OR2L13: variants seen among roughly 807,000 people sequenced by gnomAD.
The protein encoded by OR2L13 is olfactory receptor family 2 subfamily L member 13, also known as olfactory receptor 2L13.
A neutral mutation model predicts 15.3 loss-of-function variants in OR2L13; 14 were observed. That is an observed-to-expected ratio of 0.91 (90% CI 0.60 to 1.43). The LOEUF (loss-of-function observed/expected upper bound fraction) is 1.43, where lower values mean the gene tolerates loss of function less well. OR2L13 is among the 40% of genes most tolerant of loss of function. The pLI is 0.00. For synonymous variants in OR2L13, 152 were observed against 142.9 expected, an observed-to-expected ratio of 1.06 and a Z score of -0.45; for missense variants, 367 against 387.9, an observed-to-expected ratio of 0.95 and a Z score of 0.45.
chr1:248,070,565 A>G, the OR2L13 span, among the ~76,000 whole-genome samples: 1 of 152,234 alleles, frequency 6.6e-6, no homozygotes, highest in Non-Finnish European at 1.5e-5. Context: ...AATTAAAAAA[A>G]CTAGAGAAGC....
At chr1:247,960,669 A>G in the OR2L13 span, among the ~76,000 whole-genome samples, 2 of 152,120 alleles carry the variant, frequency 1.3e-5, no homozygotes, top group East Asian at 3.9e-4. Context: ...CCTCGCTGCC[A>G]CCTTGCAGTT....
chr1:248,005,023 G>T, the OR2L13 span, among the ~76,000 whole-genome samples: 1 of 152,124 alleles, frequency 6.6e-6, no homozygotes, highest in Non-Finnish European at 1.5e-5. Context: ...TGGGAAGGGT[G>T]CAGGGGAGGG....
At chr1:248,049,951 G>A in the OR2L13 span, among the ~76,000 whole-genome samples, 1 of 152,140 alleles carries the variant, frequency 6.6e-6, no homozygotes, top group Non-Finnish European at 1.5e-5. Flanking sequence ...TGGATCTAGA[G>A]GAGTTTACTG....
chr1:248,017,524 A>G, the OR2L13 span, among the ~76,000 whole-genome samples: 1 of 152,184 alleles, frequency 6.6e-6, no homozygotes, highest in Admixed American at 6.5e-5. Context: ...GTAGAAAGAG[A>G]CTTTTTCTTC....
chr1:247,949,704 A>G, the OR2L13 span: 718 of 1,613,828 alleles, frequency 4.4e-4, 4 homozygotes, highest in African/African-American at 6.4e-3. Flanking sequence ...CCTCACCCCA[A>G]TGCTCAACCC....
At chr1:247,989,022 G>A in the OR2L13 span, among the ~76,000 whole-genome samples, 11 of 152,190 alleles carry the variant, frequency 7.2e-5, no homozygotes, top group Non-Finnish European at 1.0e-4. Flanking sequence ...TGGGGAGAGC[G>A]TGAACAGAGA....
At chr1:248,048,651 A>G in the OR2L13 span, among the ~76,000 whole-genome samples, 1 of 152,212 alleles carries the variant, frequency 6.6e-6, no homozygotes, top group Non-Finnish European at 1.5e-5. Flanking sequence ...CAGCTTTTGC[A>G]GTGAAACTGA....
the OR2L13 span, chr1:247,990,386 A>T: frequency 6.3e-7 from 1 of 1,583,858 alleles, no homozygotes; most frequent in Non-Finnish European, 8.7e-7. Flanking sequence ...CTCTAATTGG[A>T]AACCTATCCA....
the OR2L13 span, chr1:248,060,907 A>G: frequency 1.2e-6 from 2 of 1,613,732 alleles, no homozygotes; most frequent in Non-Finnish European, 8.5e-7. Context: ...CATCTCCACC[A>G]TTGTTCCTAA....
At chr1:248,079,111 A>AAC in the OR2L13 span, among the ~76,000 whole-genome samples, 1,046 of 152,018 alleles carry the variant, frequency 6.9e-3, 14 homozygotes, top group African/African-American at 0.024. Context: ...GAATTTTACA[A>AAC]ACACACACAC....
At chr1:247,966,076 C>A in the OR2L13 span, 2 of 1,614,186 alleles carry the variant, frequency 1.2e-6, no homozygotes, top group South Asian at 2.2e-5. Flanking sequence ...AGGAAAAGGA[C>A]AGGCAAAAGC....
At chr1:247,957,108 A>G in the OR2L13 span, among the ~76,000 whole-genome samples, 1 of 151,788 alleles carries the variant, frequency 6.6e-6, no homozygotes. Context: ...TATTATTTTG[A>G]GATATGTCCC....
At chr1:247,939,401 T>C in the OR2L13 span, 8 of 152,216 alleles carry the variant, frequency 5.3e-5, no homozygotes, top group Non-Finnish European at 8.8e-5. Flanking sequence ...ACTTGGTCCA[T>C]CCTCATGATT....
At chr1:248,004,856 T>C in the OR2L13 span, among the ~76,000 whole-genome samples, 12 of 152,316 alleles carry the variant, frequency 7.9e-5, no homozygotes, top group African/African-American at 2.6e-4. Context: ...GAAGACACTG[T>C]CTTTTTCCCA....
At chr1:247,975,302 ATGAG>A in the OR2L13 span, 2 of 476,730 alleles carry the variant, frequency 4.2e-6, no homozygotes, top group Non-Finnish European at 8.3e-6. Context: ...ACCTGGGTCT[ATGAG>A]TGCACAGTGT....
chr1:247,948,807 T>A, the OR2L13 span: 1 of 1,467,940 alleles, frequency 6.8e-7, no homozygotes, highest in Non-Finnish European at 9.3e-7. Context: ...CGAATTACTG[T>A]ACGTAAATTA....
At chr1:248,074,886 G>T in the OR2L13 span, among the ~76,000 whole-genome samples, 22,798 of 151,314 alleles carry the variant, frequency 0.15, 3,256 homozygotes, top group African/African-American at 0.38. Flanking sequence ...CTTTTTTTAT[G>T]GTTACACTTT....
the OR2L13 span, among the ~76,000 whole-genome samples, chr1:247,992,414 G>C: frequency 6.6e-6 from 1 of 152,178 alleles, no homozygotes; most frequent in East Asian, 1.9e-4. Context: ...TTTTAGGTAT[G>C]AGAGTACATG....
the OR2L13 span, chr1:247,939,188 A>T: frequency 6.6e-6 from 1 of 152,140 alleles, no homozygotes; most frequent in Non-Finnish European, 1.5e-5. Flanking sequence ...ACAAATTGAA[A>T]CTTATTTTAG....
Sources: allele counts gnomAD v4.1 joint callset (sites outside exome capture counted in the v4.1 genomes callset), GRCh38; gene constraint gnomAD v4.1.1; transcripts MANE v1.5; gene names NCBI Gene and HGNC (gene_info 2026-07-23, HGNC 2026-07-21).